Variants in MED12L observed in about 807,000 individuals in gnomAD.
MED12L encodes the protein mediator of RNA polymerase II transcription subunit 12-like protein.
In MED12L, 60 loss-of-function variants were observed where a neutral mutation model predicts 281.3. The ratio of observed to expected loss-of-function variants is 0.21; its 90% CI spans 0.17 to 0.26. The LOEUF (loss-of-function observed/expected upper bound fraction) is 0.26, where lower values mean the gene tolerates loss of function less well. Among genes scored for constraint, MED12L ranks in the 10% least tolerant of loss-of-function variants. MED12L has a pLI of 1.00. For synonymous variants in MED12L, 974 were observed against 987.2 expected (o/e 0.99, Z 0.25); for missense variants, 2,146 against 2,680.9 (o/e 0.80, Z 4.41).
In MED12L at chr3:151,433,100, G is replaced by T; in HGVS notation, c.*296G>T. 3.5e-6 allele frequency: 1 copy of T among 284,772 alleles called. No individual in the cohort carries two copies. Among genetic ancestry groups the T allele is most frequent in the Non-Finnish European group, 6.6e-6 (1 of 152,258 alleles). The allele number at this position is 284,772 out of a possible 1,614,324, so 17.6% of individuals were successfully genotyped here. Reference sequence around the variant, plus strand: ...ACCTTTTGAAATTGGTGCTTTTTTTGAATCTCACATTTCTAGAAAGAATGG... The same window carrying T: ...ACCTTTTGAAATTGGTGCTTTTTTTTAATCTCACATTTCTAGAAAGAATGG... On this transcript the variant is annotated 3_prime_UTR_variant, in exon 45 of 45. Coordinates refer to ENST00000687756, the MANE Select transcript of MED12L (RefSeq NM_001393769.1).
intron 43 of MED12L, among the ~76,000 whole-genome samples, chr3:151,417,548 C>T (rs62285924): frequency 1.6e-5 from 2 of 127,634 alleles, no homozygotes; most frequent in East Asian, 2.3e-4. Flanking sequence ...GAGTGCAGTG[C>T]GATCTCAGCT....
chr3:151,101,838 C>T (rs373257253), intron 2 of MED12L, among the ~76,000 whole-genome samples: 106 of 152,058 alleles, frequency 7.0e-4, no homozygotes, highest in African/African-American at 2.5e-3. Context: ...GTAACCAAAG[C>T]GTGAAGTAAA....
chr3:151,241,668 C>T (rs933436494), intron 16 of MED12L: 2 of 152,078 alleles, frequency 1.3e-5, no homozygotes, highest in African/African-American at 2.4e-5. Flanking sequence ...TATATACACA[C>T]ATATATACAC....
intron 5 of MED12L, 24 bp from the exon 6 acceptor site, chr3:151,156,135 CAT>C (rs1163620000): frequency 1.9e-6 from 3 of 1,565,902 alleles, no homozygotes; most frequent in South Asian, 1.2e-5. Flanking sequence ...TCTAGAAACT[CAT>C]ATTTTTCTTT....
rs768637244 is a variant in MED12L, at chr3:151,382,716, C to T, written c.4651C>T (p.His1551Tyr). Residue 1551 changes from histidine to tyrosine, a missense_variant, in exon 33 of 45, where the codon CAC (histidine) becomes TAC (tyrosine). His to Tyr is a moderately conservative substitution (Grantham distance 83). This residue lies in a region of MED12L where 212 missense variants were observed against 340.8 expected (regional missense o/e 0.62). Transcript: ENST00000687756. ...QDDIKARQMMHEALQLRLNLV... is the reference protein window; with the variant it reads ...QDDIKARQMMYEALQLRLNLV... ...TGACATAAAAGCGCGGCAGATGATG[C>T]ACGAAGCATTGCAACTCCGCCTAAA... is the stretch of plus-strand genomic sequence containing the variant. The T allele has an allele frequency of 1.2e-5, 20 of 1,611,660 alleles. No individual in the cohort carries two copies. The highest frequency in any genetic ancestry group is 5.0e-5 in the Admixed American group (3 of 59,758).
chr3:151,335,323 T>A (rs1750837508), intron 16 of MED12L, among the ~76,000 whole-genome samples: 1 of 152,222 alleles, frequency 6.6e-6, no homozygotes, highest in Admixed American at 6.5e-5. Flanking sequence ...CTCATAAATA[T>A]GTACAGTTAT....
chr3:151,188,299 A>T (rs913243058), intron 12 of MED12L, 55 bp from the exon 13 acceptor site: 2 of 1,391,908 alleles, frequency 1.4e-6, no homozygotes, highest in African/African-American at 2.9e-5. Flanking sequence ...CAAATTCATG[A>T]TCTGTTATGA....
chr3:151,181,878 C>T (rs1722743024), intron 11 of MED12L, among the ~76,000 whole-genome samples: 1 of 152,020 alleles, frequency 6.6e-6, no homozygotes, highest in Non-Finnish European at 1.5e-5. Flanking sequence ...ACCACCATGC[C>T]CAGTCTGTCA....
At chr3:151,098,653 C>T (rs1051765410) in intron 2 of MED12L, among the ~76,000 whole-genome samples, 1 of 152,072 alleles carries the variant, frequency 6.6e-6, no homozygotes, top group Non-Finnish European at 1.5e-5. Context: ...GATTTAGGGC[C>T]CACCCAGATA....
chr3:151,196,373 C>T (rs911718224), intron 16 of MED12L, among the ~76,000 whole-genome samples: 20 of 151,652 alleles, frequency 1.3e-4, no homozygotes, highest in Non-Finnish European at 8.8e-5. Context: ...GTTTTTTTTC[C>T]CTTAATAAAA....
At chr3:151,111,941 C>T (rs1012554477) in intron 2 of MED12L, among the ~76,000 whole-genome samples, 3 of 152,144 alleles carry the variant, frequency 2.0e-5, no homozygotes, top group Non-Finnish European at 4.4e-5. Flanking sequence ...GTGTCCCCTG[C>T]ACTTTCAGAT....
At chr3:151,204,845 C>T (rs578145263) in intron 16 of MED12L, among the ~76,000 whole-genome samples, 12 of 152,098 alleles carry the variant, frequency 7.9e-5, no homozygotes, top group African/African-American at 2.4e-4. Flanking sequence ...TTTACTTCCT[C>T]GGTTCACTTT....
chr3:151,258,851 CAA>C (rs63714361), intron 16 of MED12L, among the ~76,000 whole-genome samples: 17,234 of 90,254 alleles, frequency 0.19, 1,149 homozygotes, highest in Middle Eastern at 0.33. Flanking sequence ...GATTCTGTCT[CAA>C]AAAAAAAAAA....
At chr3:151,255,392 C>G (rs1334363669) in intron 16 of MED12L, among the ~76,000 whole-genome samples, 1 of 151,842 alleles carries the variant, frequency 6.6e-6, no homozygotes, top group Non-Finnish European at 1.5e-5. Flanking sequence ...TAATGAGCAT[C>G]CAGTAGAGTA....
chr3:151,229,614 G>T (rs1475279441), intron 16 of MED12L, among the ~76,000 whole-genome samples: 1 of 151,852 alleles, frequency 6.6e-6, no homozygotes, highest in African/African-American at 2.4e-5. Context: ...TAGTAGCTGG[G>T]ACTACAGGCG....
Position 151,189,627 on chromosome 3 carries a change from C to G in MED12L, c.1754-1090C>G, listed in dbSNP as rs191007347. Reference sequence around the variant, plus strand: ...CTGTTCCCTGAAAGAGGCTGCTCATCACCGAGTTTGGTAGTGAGCAAGAGG... The same window carrying G: ...CTGTTCCCTGAAAGAGGCTGCTCATGACCGAGTTTGGTAGTGAGCAAGAGG... On this transcript the variant is annotated intron_variant, in intron 13 of 44. Transcript: ENST00000687756. 2.2e-3 allele frequency among the ~76,000 whole-genome samples: 335 copies of G among 152,316 alleles called. 7 individuals carry two copies. In the South Asian group the frequency reaches 0.057, roughly 26 times the overall value.
At chr3:151,353,929 C>G (rs2150039741) in intron 17 of MED12L, among the ~76,000 whole-genome samples, 1 of 151,914 alleles carries the variant, frequency 6.6e-6, no homozygotes, top group African/African-American at 2.4e-5. Flanking sequence ...ATCACGAGGT[C>G]AGGAGATCGA....
At chr3:151,163,819 C>A in intron 8 of MED12L, 74 bp from the exon 9 acceptor site, 16 of 1,436,480 alleles carry the variant, frequency 1.1e-5, no homozygotes, top group Middle Eastern at 2.1e-4. Flanking sequence ...GACAGGGTGT[C>A]GTTTTTACTG....
intron 17 of MED12L, among the ~76,000 whole-genome samples, chr3:151,354,160 A>AAAAAAAAAAT: frequency 6.6e-6 from 1 of 150,820 alleles, no homozygotes; most frequent in Non-Finnish European, 1.5e-5. Context: ...AAAAAAAAAA[A>AAAAAAAAAAT]AAAAGAATCA....
Sources: allele counts gnomAD v4.1 joint callset (sites outside exome capture counted in the v4.1 genomes callset), GRCh38; gene constraint gnomAD v4.1.1; regional missense constraint gnomAD v4.1.1; transcripts MANE v1.5; gene names NCBI Gene and HGNC (gene_info 2026-07-23, HGNC 2026-07-21).